Variants in SGMS1 observed in about 807,000 individuals in gnomAD.
SGMS1 encodes the protein sphingomyelin synthase 1, also known as phosphatidylcholine:ceramide cholinephosphotransferase 1.
Under a neutral mutation model 46.2 loss-of-function variants are expected in SGMS1, and 13 were observed. The ratio of observed to expected loss-of-function variants is 0.28; its 90% CI spans 0.18 to 0.45. The LOEUF (loss-of-function observed/expected upper bound fraction) is 0.45, where lower values mean the gene tolerates loss of function less well. SGMS1 is among the 20% of genes least tolerant of loss of function. The pLI is 1.00. For missense variants in SGMS1, 324 were observed against 519.9 expected (o/e 0.62, Z 3.66); for synonymous variants, 203 against 187.8 (o/e 1.08, Z -0.66).
At chr10:50,560,711 C>T (rs570990975) in intron 2 of SGMS1, among the ~76,000 whole-genome samples, 10 of 149,744 alleles carry the variant, frequency 6.7e-5, no homozygotes, top group Middle Eastern at 3.5e-3. Flanking sequence ...TGTGTATATA[C>T]GTGTAGGAAA....
At chr10:50,598,765 G>A (rs1838620565) in intron 1 of SGMS1, among the ~76,000 whole-genome samples, 2 of 152,100 alleles carry the variant, frequency 1.3e-5, no homozygotes, top group African/African-American at 4.8e-5. Context: ...ACCTCCCAGA[G>A]CCTTAGTTTA....
At position 50,494,812 on chromosome 10, in the gene SGMS1, G is replaced by A. The variant is rs546123195; in HGVS notation, c.-498+25019C>T. The stretch of plus-strand genomic sequence containing the variant: ...AGCACTTTGGGAGGCCGAGGCGGGC[G>A]GATCACGAGGTCGGGAGATCGAGAC... On this transcript the variant is annotated intron_variant, in intron 3 of 10. Coordinates refer to ENST00000361781, the MANE Select transcript of SGMS1 (RefSeq NM_147156.4). 1.1e-3 allele frequency among the ~76,000 whole-genome samples: 165 copies of A among 152,056 alleles called. No individual in the cohort carries two copies. In the Middle Eastern group the frequency reaches 0.014, roughly 13 times the overall value.
At position 50,410,995 on chromosome 10, in the gene SGMS1, TTAA is replaced by T. The variant is rs1390389645; in HGVS notation, c.-232+22478_-232+22480del. Among the ~76,000 whole-genome samples, 17 of 152,342 alleles carry T rather than the reference TTAA, an allele frequency of 1.1e-4. No individual in the cohort carries two copies. In the Middle Eastern group the frequency reaches 0.01, roughly 91 times the overall value. ...TGTGATACATTCATTATAGGTTAGT[TTAA>T]TAATTTCTTTTGGAGTCAGGTCTTT... On this transcript the variant is annotated intron_variant, in intron 6 of 10. Coordinates refer to ENST00000361781, the MANE Select transcript of SGMS1 (RefSeq NM_147156.4).
chr10:50,420,433 C>T (rs1192477017), intron 6 of SGMS1, among the ~76,000 whole-genome samples: 1 of 152,224 alleles, frequency 6.6e-6, no homozygotes, highest in Non-Finnish European at 1.5e-5. Flanking sequence ...CTCTATGCCT[C>T]TCAACACATC....
chr10:50,544,938 A>G (rs1268111604), intron 2 of SGMS1, among the ~76,000 whole-genome samples: 1 of 152,216 alleles, frequency 6.6e-6, no homozygotes, highest in Non-Finnish European at 1.5e-5. Flanking sequence ...TGTGGTTGGT[A>G]AATAATTTGG....
chr10:50,541,768 C>T (rs1564427745), intron 2 of SGMS1, among the ~76,000 whole-genome samples: 1 of 152,114 alleles, frequency 6.6e-6, no homozygotes, highest in South Asian at 2.1e-4. Flanking sequence ...CAGGGTGGAG[C>T]CTCCAGAAGT....
intron 6 of SGMS1, among the ~76,000 whole-genome samples, chr10:50,392,552 C>T (rs554988442): frequency 6.6e-6 from 1 of 152,290 alleles, no homozygotes; most frequent in African/African-American, 2.4e-5. Context: ...AGCTGTCTTC[C>T]TCAGGATCCA....
intron 6 of SGMS1, among the ~76,000 whole-genome samples, chr10:50,381,019 T>A (rs1302993239): frequency 6.7e-6 from 1 of 148,178 alleles, no homozygotes; most frequent in Non-Finnish European, 1.5e-5. Flanking sequence ...TTCCCAGAGA[T>A]GGGATCTCAC....
At chr10:50,524,082 TC>T (rs1837878649) in intron 2 of SGMS1, among the ~76,000 whole-genome samples, 1 of 152,232 alleles carries the variant, frequency 6.6e-6, no homozygotes, top group African/African-American at 2.4e-5. Flanking sequence ...TGGTTCTACT[TC>T]AGGTCCCCTA....
chr10:50,448,584 A>C (rs1057272713), intron 5 of SGMS1, among the ~76,000 whole-genome samples: 12 of 152,120 alleles, frequency 7.9e-5, no homozygotes, highest in Admixed American at 2.6e-4. Context: ...ATCTCTACTA[A>C]AAATATAAAA....
intron 3 of SGMS1, among the ~76,000 whole-genome samples, chr10:50,472,428 A>T (rs1475388470): frequency 6.6e-6 from 1 of 152,146 alleles, no homozygotes; most frequent in Admixed American, 6.5e-5. Context: ...ATCTACATAT[A>T]TGTGAGATCA....
intron 6 of SGMS1, among the ~76,000 whole-genome samples, chr10:50,381,459 G>A (rs1359071404): frequency 3.9e-5 from 6 of 151,958 alleles, no homozygotes; most frequent in Non-Finnish European, 8.8e-5. Flanking sequence ...ATGGAGAAAG[G>A]AGATGAGAAA....
intron 1 of SGMS1, among the ~76,000 whole-genome samples, chr10:50,616,848 A>G (rs1296372399): frequency 6.6e-6 from 1 of 152,246 alleles, no homozygotes; most frequent in Admixed American, 6.5e-5. Context: ...ATGTTCACGG[A>G]CAGAATTACA....
intron 2 of SGMS1, among the ~76,000 whole-genome samples, chr10:50,588,768 C>G (rs1026333124): frequency 1.6e-5 from 2 of 121,848 alleles, no homozygotes; most frequent in Admixed American, 2.1e-4. Flanking sequence ...CCCACTCTGT[C>G]ACTTAGACTG....
chr10:50,379,894 A>G (rs1848576464), intron 6 of SGMS1, among the ~76,000 whole-genome samples: 1 of 152,198 alleles, frequency 6.6e-6, no homozygotes, highest in African/African-American at 2.4e-5. Context: ...AAAGAAAAAC[A>G]GAAGAGAACA....
intron 7 of SGMS1, among the ~76,000 whole-genome samples, chr10:50,337,439 A>G (rs1006891019): frequency 6.6e-5 from 10 of 152,070 alleles, no homozygotes; most frequent in African/African-American, 2.4e-4. Flanking sequence ...TTGAATAGAA[A>G]CCTCCCCCTC....
chr10:50,542,043 T>C (rs950209590), intron 2 of SGMS1, among the ~76,000 whole-genome samples: 4 of 152,130 alleles, frequency 2.6e-5, no homozygotes, highest in Non-Finnish European at 4.4e-5. Flanking sequence ...CAGGAACCAT[T>C]ATCTTTTCTT....
At chr10:50,486,940 A>G (rs1837525953) in intron 3 of SGMS1, among the ~76,000 whole-genome samples, 1 of 152,250 alleles carries the variant, frequency 6.6e-6, no homozygotes, top group Non-Finnish European at 1.5e-5. Flanking sequence ...GGATAAAGAA[A>G]ATGTGGTACA....
At chr10:50,392,951 C>T (rs773516389) in intron 6 of SGMS1, among the ~76,000 whole-genome samples, 5 of 151,082 alleles carry the variant, frequency 3.3e-5, no homozygotes, top group Non-Finnish European at 4.4e-5. Context: ...GGTATGAACC[C>T]AATTTGGTTA....
Sources: allele counts gnomAD v4.1 joint callset (sites outside exome capture counted in the v4.1 genomes callset), GRCh38; gene constraint gnomAD v4.1.1; transcripts MANE v1.5; gene names NCBI Gene and HGNC (gene_info 2026-07-23, HGNC 2026-07-21).